RBBP7: variants seen among roughly 807,000 people sequenced by gnomAD.
RBBP7 encodes the protein histone-binding protein RBBP7.
A neutral mutation model predicts 35.2 loss-of-function variants in RBBP7; 5 were observed. The observed-to-expected ratio is 0.14, with a 90% CI of 0.07 to 0.30. RBBP7 has a LOEUF of 0.30. Among genes scored for constraint, RBBP7 ranks in the 10% least tolerant of loss-of-function variants. The probability of loss-of-function intolerance (pLI) is 1.00; values close to 1 mark genes in which losing one functional copy is unlikely to be tolerated. For synonymous variants in RBBP7, 140 were observed against 118.7 expected (o/e 1.18, Z -1.17); for missense variants, 155 against 327.5 (o/e 0.47, Z 4.07).
intron 4 of RBBP7, among the ~76,000 whole-genome samples, chrX:16,858,214 G>C (rs1930392953): frequency 9.0e-6 from 1 of 111,624 alleles, no homozygotes; most frequent in Non-Finnish European, 1.9e-5. Context: ...TTCACTATTG[G>C]GGTCCTCAAT....
intron 9 of RBBP7, among the ~76,000 whole-genome samples, chrX:16,850,428 G>A (rs371877756): frequency 7.3e-4 from 82 of 112,910 alleles, no homozygotes; most frequent in African/African-American, 2.6e-3. Context: ...GGCACCTTCA[G>A]GGGCAATTCA....
chrX:16,862,393 T>C (rs1930498242), intron 3 of RBBP7, among the ~76,000 whole-genome samples: 1 of 111,142 alleles, frequency 9.0e-6, no homozygotes, highest in Admixed American at 9.6e-5. Context: ...CACTACTGCC[T>C]CTCTCCTCAA....
intron 10 of RBBP7, chrX:16,847,728 T>C (rs1241947995): frequency 9.4e-6 from 1 of 106,864 alleles, no homozygotes; most frequent in Non-Finnish European, 1.9e-5. Context: ...TTTATGTATT[T>C]TTTTTTTTTT....
chrX:16,864,295 G>C (rs1036878742), intron 2 of RBBP7, among the ~76,000 whole-genome samples: 1 of 109,644 alleles, frequency 9.1e-6, no homozygotes, highest in Non-Finnish European at 1.9e-5. Context: ...CAAGGCAGGC[G>C]GATCACCTGA....
At chrX:16,861,836 G>C (rs756693439) in intron 3 of RBBP7, among the ~76,000 whole-genome samples, 6 of 111,795 alleles carry the variant, frequency 5.4e-5, no homozygotes, top group Non-Finnish European at 9.4e-5. Flanking sequence ...ACCTCAGAAT[G>C]TTCTTTCTGT....
chrX:16,860,281 AAG>A (rs201819711), intron 3 of RBBP7, among the ~76,000 whole-genome samples: 16,806 of 41,848 alleles, frequency 0.4, 1,890 homozygotes, highest in East Asian at 0.56. Flanking sequence ...TTAAAAAAAA[AAG>A]GGGGGGGGGC....
At chrX:16,855,883 C>T (rs1930335473) in intron 5 of RBBP7, among the ~76,000 whole-genome samples, 2 of 105,477 alleles carry the variant, frequency 1.9e-5, no homozygotes, top group African/African-American at 3.5e-5. Flanking sequence ...TGTAGTCCCA[C>T]CTACTTGACA....
chrX:16,857,548 G>A (rs1930379572), intron 5 of RBBP7, 46 bp downstream of exon 5: 2 of 1,205,580 alleles, frequency 1.7e-6, no homozygotes, highest in African/African-American at 1.7e-5. Flanking sequence ...GCTGTGACAC[G>A]TCAGCTCTCA....
At chrX:16,859,968 C>A (rs1167581193) in intron 3 of RBBP7, among the ~76,000 whole-genome samples, 1 of 110,935 alleles carries the variant, frequency 9.0e-6, no homozygotes, top group Admixed American at 9.6e-5. Context: ...TTGAAAAAAC[C>A]GTATCTCAAA....
intron 5 of RBBP7, among the ~76,000 whole-genome samples, chrX:16,855,055 T>G (rs372706705): frequency 5.7e-4 from 21 of 37,025 alleles, no homozygotes; most frequent in African/African-American, 2.4e-3. Flanking sequence ...TAAATCACCT[T>G]TTTTTTTTTT....
chrX:16,855,802 G>A (rs1002962498), intron 5 of RBBP7, among the ~76,000 whole-genome samples: 1 of 108,963 alleles, frequency 9.2e-6, no homozygotes, highest in African/African-American at 3.4e-5. Context: ...TTCAAGACCA[G>A]TTTGGGCAAT....
intron 11 of RBBP7, 107 bp from the exon 12 acceptor site, chrX:16,845,210 TTC>T: frequency 3.5e-6 from 2 of 579,549 alleles, no homozygotes; most frequent in African/African-American, 2.3e-5. Context: ...ATTTTTACAT[TTC>T]TCTCTTAAAA....
intron 3 of RBBP7, among the ~76,000 whole-genome samples, chrX:16,862,701 G>A (rs901207120): frequency 2.7e-5 from 3 of 111,466 alleles, no homozygotes; most frequent in Admixed American, 9.5e-5. Context: ...TAATTGCTGA[G>A]TAGTATTTCA....
intron 3 of RBBP7, among the ~76,000 whole-genome samples, chrX:16,861,015 A>G (rs938309752): frequency 1.8e-5 from 2 of 111,082 alleles, no homozygotes; most frequent in Non-Finnish European, 3.8e-5. Flanking sequence ...CTCTACTAAA[A>G]ATACAAAAAT....
intron 9 of RBBP7, among the ~76,000 whole-genome samples, chrX:16,850,606 G>T (rs1355303253): frequency 8.9e-6 from 1 of 112,818 alleles, no homozygotes; most frequent in Non-Finnish European, 1.9e-5. Flanking sequence ...ATCACGGCAA[G>T]AGTTTGCTCC....
chrX:16,865,573 AAC>A (rs1311767705), intron 2 of RBBP7, among the ~76,000 whole-genome samples: 2 of 112,082 alleles, frequency 1.8e-5, no homozygotes, highest in African/African-American at 6.5e-5. Flanking sequence ...CCATCATTAA[AAC>A]ACAGCCTGTT....
intron 10 of RBBP7, chrX:16,846,565 G>A: frequency 8.9e-6 from 1 of 112,167 alleles, no homozygotes. Context: ...TATGCCTAAG[G>A]TGAGAGCTTT....
At position 16,850,403 on chromosome X, in the gene RBBP7, T is replaced by A. The variant is rs181965267; in HGVS notation, c.1041-1102A>T. Among the ~76,000 whole-genome samples the A allele has an allele frequency of 2.7e-4, 31 of 112,934 alleles. No homozygotes were observed. In the East Asian group the frequency reaches 7.2e-3, roughly 26 times the overall value. ...AATTCTAAGAAGAAATTACACACAA[T>A]GCTCACAAATTATTGGCACCTTCAG... On this transcript the variant is annotated intron_variant, in intron 9 of 11. Transcript: ENST00000380087.
chrX:16,866,662 T>A (rs1233375129), intron 2 of RBBP7, among the ~76,000 whole-genome samples: 2 of 109,175 alleles, frequency 1.8e-5, no homozygotes, highest in Non-Finnish European at 3.8e-5. Context: ...AAAGTCCAAG[T>A]AATCGTTATG....
Sources: allele counts gnomAD v4.1 joint callset (sites outside exome capture counted in the v4.1 genomes callset), GRCh38; gene constraint gnomAD v4.1.1; transcripts MANE v1.5; gene names NCBI Gene and HGNC (gene_info 2026-07-23, HGNC 2026-07-21).